Variants in CCDC57 observed in about 807,000 individuals in gnomAD.
CCDC57 encodes coiled-coil domain-containing protein 57.
In CCDC57, 118 loss-of-function variants were observed where a neutral mutation model predicts 118.9. The ratio of observed to expected loss-of-function variants is 0.99; its 90% confidence interval spans 0.86 to 1.16. The LOEUF is 1.16. CCDC57 is among the 50% of genes most tolerant of loss of function. The pLI is 0.00. For missense variants in CCDC57, 1,300 were observed against 1,320.7 expected, an observed-to-expected ratio of 0.98 and a Z score of 0.24; for synonymous variants, 527 against 532.9, an observed-to-expected ratio of 0.99 and a Z score of 0.15.
intron 11 of CCDC57, among the ~76,000 whole-genome samples, chr17:82,176,674 T>G (rs2045544565): frequency 6.6e-6 from 1 of 152,180 alleles, no homozygotes; most frequent in African/African-American, 2.4e-5. Context: ...TCTGCTGGAC[T>G]TCGTAGCCCC....
chr17:82,145,898 G>C, intron 16 of CCDC57: 1 of 434,612 alleles, frequency 2.3e-6, no homozygotes, highest in Admixed American at 2.6e-5. Flanking sequence ...GCAGGAACCA[G>C]TGTCACCAGA....
At chr17:82,110,978 A>G (rs926014135) in intron 19 of CCDC57, among the ~76,000 whole-genome samples, 1 of 145,206 alleles carries the variant, frequency 6.9e-6, no homozygotes, top group Non-Finnish European at 1.5e-5. Flanking sequence ...TGAGCCAAAG[A>G]AAAAAAAAAA....
At chr17:82,194,309 C>CTTTTTTTTTTTTT (rs10626911) in intron 5 of CCDC57, 170 bp from the exon 5 acceptor site, 1 of 486,652 alleles carries the variant, frequency 2.1e-6, no homozygotes. Flanking sequence ...GACTCAATGA[C>CTTTTTTTTTTTTT]TTTTTTTTTT....
intron 3 of CCDC57, 112 bp from the exon 3 acceptor site, chr17:82,198,534 G>A: frequency 1.4e-6 from 1 of 732,200 alleles, no homozygotes. Context: ...TTATGAAGGG[G>A]TGGCTTCAGC....
intron 16 of CCDC57, among the ~76,000 whole-genome samples, chr17:82,147,618 TGATTGGGC>T: frequency 9.1e-6 from 1 of 110,052 alleles, no homozygotes; most frequent in Non-Finnish European, 1.8e-5. Context: ...GATGGATGGA[TGATTGGGC>T]GGGTGGGTGG....
intron 1 of CCDC57, among the ~76,000 whole-genome samples, chr17:82,211,792 T>G (rs2050194372): frequency 6.6e-6 from 1 of 152,142 alleles, no homozygotes; most frequent in Non-Finnish European, 1.5e-5. Context: ...CATCCAGGAA[T>G]GCGCTTACTG....
chr17:82,188,344 C>G lies in CCDC57; in HGVS notation c.927G>C (p.Gln309His), dbSNP rs1182487977. The G allele has an allele frequency of 3.7e-6, 6 of 1,610,118 alleles. No individual in the cohort carries two copies. The highest frequency in any genetic ancestry group is 4.2e-6 in the Non-Finnish European group (5 of 1,179,336). ...GAACCCTGGTCTGCAGCTCCTGCAG[C>G]TGCTCCACGTGGGCTCCCTTCACCG... The change falls in exon 8 of 20, where the codon CAG becomes CAC. Residue 309 changes from glutamine (Q) to histidine (H), a missense_variant. Physicochemically the swap from Gln to His is conservative, Grantham distance 24. Transcript: ENST00000665763.
At chr17:82,127,707 C>A in exon 19 of CCDC57, 1 of 1,606,506 alleles carries the variant, frequency 6.2e-7, no homozygotes. Flanking sequence ...GTTGAGTCAC[C>A]CTGGGAGGTG....
intron 7 of CCDC57, among the ~76,000 whole-genome samples, chr17:82,193,496 A>T (rs2047920181): frequency 6.6e-6 from 1 of 152,032 alleles, no homozygotes; most frequent in Non-Finnish European, 1.5e-5. Flanking sequence ...CAGTGAGCCA[A>T]GATCACACCA....
At position 82,118,386 on chromosome 17, in the gene CCDC57, ATG is replaced by A. The variant is rs2036201833; in HGVS notation, c.2899+9304_2899+9305del. 6.6e-6 allele frequency among the ~76,000 whole-genome samples: 1 copy of A among 152,218 alleles called. No homozygotes were observed. Among genetic ancestry groups the A allele is most frequent in the East Asian group, 1.9e-4 (1 of 5,178 alleles). On this transcript the variant is annotated intron_variant, in intron 19 of 19. Transcript: ENST00000665763. The surrounding 1 kb of genome is among the most constrained non-coding windows in gnomAD (Gnocchi z 4.7). ...TCCATTAGCGCAGGACTGAAACCTGATGTGTTATTCATTAGCGCAGGATGCCC... is the reference window on the plus strand; with the variant it reads ...TCCATTAGCGCAGGACTGAAACCTGATGTTATTCATTAGCGCAGGATGCCC...
rs139491647 is a variant in CCDC57, at chr17:82,118,473, G to A, written c.2899+9219C>T. On this transcript the variant is annotated intron_variant, in intron 19 of 19. Transcript: ENST00000665763. The surrounding 1 kb of genome is among the most constrained non-coding windows in gnomAD (Gnocchi z 4.7). The stretch of plus-strand genomic sequence containing the variant: ...GCCCCAGCGAGGTGCGAGGTGCTCC[G>A]GAACTTGCGGGGCTTAGCTGCCCAC... Among the ~76,000 whole-genome samples, 1,107 of 152,284 alleles carry A rather than the reference G, an allele frequency of 7.3e-3. 8 individuals carry two copies. Among genetic ancestry groups the A allele is most frequent in the Non-Finnish European group, 0.012 (796 of 68,020 alleles).
intron 19 of CCDC57, among the ~76,000 whole-genome samples, chr17:82,105,965 G>A (rs2034817324): frequency 6.6e-6 from 1 of 152,244 alleles, no homozygotes; most frequent in African/African-American, 2.4e-5. Context: ...CTGGCCTTTG[G>A]AGCAGAGGAG....
intron 8 of CCDC57, 147 bp from the exon 8 acceptor site, chr17:82,184,079 A>AC (rs2046641589): frequency 6.9e-6 from 4 of 578,006 alleles, no homozygotes; most frequent in South Asian, 6.5e-5. Context: ...ACACACACAC[A>AC]CACAGCTCTC....
At chr17:82,149,856 C>CA in intron 16 of CCDC57, among the ~76,000 whole-genome samples, 3 of 149,148 alleles carry the variant, frequency 2.0e-5, no homozygotes, top group Middle Eastern at 3.5e-3. Flanking sequence ...GGCGCACACC[C>CA]GGAACCAGGA....
chr17:82,102,215 CA>C (rs1251241707), intron 19 of CCDC57, among the ~76,000 whole-genome samples: 1 of 152,180 alleles, frequency 6.6e-6, no homozygotes, highest in Non-Finnish European at 1.5e-5. Context: ...CAGGAGGGGG[CA>C]GGGGTGCTGG....
chr17:82,189,929 G>C (rs2047447469), intron 7 of CCDC57, among the ~76,000 whole-genome samples: 1 of 152,108 alleles, frequency 6.6e-6, no homozygotes, highest in African/African-American at 2.4e-5. Flanking sequence ...AGAATCACTT[G>C]AACCCAGGAG....
At chr17:82,156,382 G>A (rs2042684781) in intron 15 of CCDC57, 1 of 152,222 alleles carries the variant, frequency 6.6e-6, no homozygotes, top group African/African-American at 2.4e-5. Context: ...ACTACGCAAG[G>A]GCCAACAGTG....
chr17:82,107,129 C>T (rs1158081017), intron 19 of CCDC57, among the ~76,000 whole-genome samples: 7 of 152,242 alleles, frequency 4.6e-5, no homozygotes, highest in South Asian at 4.1e-4. Context: ...ATCAGCTGCC[C>T]GACCTGCTCA....
Position 82,118,728 on chromosome 17 carries a change from T to C in CCDC57, c.2899+8964A>G, listed in dbSNP as rs2036251005. ...TCCGTCCGCACTGGGTGCCACTCAG[T>C]CTGCCGCGCTTTTTATGTACGCTGA... On this transcript the variant is annotated intron_variant, in intron 19 of 19. Coordinates refer to ENST00000665763, the Ensembl canonical transcript of CCDC57. This position sits in a 1 kb window ranked among gnomAD's most constrained non-coding sequence, Gnocchi z 4.7. Among the ~76,000 whole-genome samples the C allele has an allele frequency of 6.6e-6, 1 of 152,108 alleles. No individual in the cohort carries two copies.
Sources: gnomAD v4.1 joint callset for allele counts (sites outside exome capture counted in the v4.1 genomes callset) on GRCh38, gnomAD v4.1.1 for gene constraint, Gnocchi (gnomAD v3.1) non-coding constraint, MANE v1.5 for transcripts, NCBI Gene and HGNC (gene_info 2026-07-23, HGNC 2026-07-21) for gene names.